Variants in CAPN9 observed in about 807,000 individuals in gnomAD.
The protein encoded by CAPN9 is calpain-9.
Under a neutral mutation model 92.8 loss-of-function variants are expected in CAPN9, and 81 were observed. The ratio of observed to expected loss-of-function variants is 0.87; its 90% CI spans 0.73 to 1.05. CAPN9 has a LOEUF of 1.05. CAPN9 is among the 50% of genes least tolerant of loss of function. The pLI, the probability that CAPN9 is intolerant of heterozygous loss-of-function variation, is 0.00. For missense variants in CAPN9, 848 were observed against 866.2 expected (o/e 0.98, Z 0.26); for synonymous variants, 304 against 328.0 (o/e 0.93, Z 0.79).
chr1:230,759,082 G>A (rs1548280), intron 2 of CAPN9, among the ~76,000 whole-genome samples: 7,287 of 152,222 alleles, frequency 0.048, 566 homozygotes, highest in African/African-American at 0.17. Context: ...AGCTGAGTCT[G>A]GGTTGGGGCT....
At chr1:230,773,518 T>C (rs1666527987) in intron 7 of CAPN9, among the ~76,000 whole-genome samples, 1 of 152,078 alleles carries the variant, frequency 6.6e-6, no homozygotes, top group Non-Finnish European at 1.5e-5. Flanking sequence ...AAGGCTGGAA[T>C]AAAATTTGTC....
Position 230,758,878 on chromosome 1 carries a change from A to G in CAPN9, c.284-634A>G, listed in dbSNP as rs944785801. Reference sequence around the variant, plus strand: ...TCAGTGTGGGCAAAGGAATGCCTCCAGGAGTCTGGAACAGCACAGATAGCA... The same window carrying G: ...TCAGTGTGGGCAAAGGAATGCCTCCGGGAGTCTGGAACAGCACAGATAGCA... On this transcript the variant is annotated intron_variant, in intron 2 of 19. Coordinates refer to ENST00000271971, the MANE Select transcript of CAPN9 (RefSeq NM_006615.3). Among the ~76,000 whole-genome samples, 16 of 152,246 alleles carry G rather than the reference A, an allele frequency of 1.1e-4. 1 individual carries two copies. Among genetic ancestry groups the G allele is most frequent in the African/African-American group, 3.9e-4 (16 of 41,472 alleles).
In CAPN9 at chr1:230,801,807, AG is replaced by A; in HGVS notation, c.*216del. ...ACTCCTTTGTAAAGTCACTGCCTTA[AG>A]GGGGCTGATGGCGCCACCTGTGCCT... On this transcript the variant is annotated 3_prime_UTR_variant, in exon 20 of 20. Transcript: ENST00000271971. 1 of 592,892 alleles carries A rather than the reference AG, an allele frequency of 1.7e-6. No homozygotes were observed. Among genetic ancestry groups the A allele is most frequent in the East Asian group, 2.8e-5 (1 of 36,050 alleles). 36.7% of individuals were successfully genotyped at this position (592,892 alleles called of 1,614,324 possible). A position where few individuals can be genotyped will look rare whatever the true frequency, so the allele number is the denominator to read the frequency against.
chr1:230,774,735 CTTTCTTTTTTTT>C, intron 8 of CAPN9, 104 bp downstream of exon 8: 5 of 588,128 alleles, frequency 8.5e-6, no homozygotes, highest in South Asian at 4.5e-5. Flanking sequence ...TTCTTTCTTT[CTTTCTTTTTTTT>C]TTTTTTTTTT....
At chr1:230,798,678 C>T (rs372756459) in intron 19 of CAPN9, among the ~76,000 whole-genome samples, 4 of 152,104 alleles carry the variant, frequency 2.6e-5, no homozygotes, top group East Asian at 1.9e-4. Context: ...GTAGCAATGA[C>T]GGGGGTGGGA....
At chr1:230,795,131 C>T (rs776275571) in intron 17 of CAPN9, 32 bp from the exon 18 acceptor site, 5 of 1,390,594 alleles carry the variant, frequency 3.6e-6, no homozygotes, top group South Asian at 2.3e-5. Context: ...TCGGATACAG[C>T]GAGTCCTGGG....
intron 13 of CAPN9, 50 bp from the exon 14 acceptor site, chr1:230,790,082 T>G: frequency 6.7e-7 from 1 of 1,486,856 alleles, no homozygotes; most frequent in Non-Finnish European, 9.4e-7. Flanking sequence ...AAATAAACTA[T>G]AAAAGAAGGT....
intron 1 of CAPN9, among the ~76,000 whole-genome samples, chr1:230,753,552 C>G (rs141838695): frequency 6.6e-6 from 1 of 152,262 alleles, no homozygotes; most frequent in Non-Finnish European, 1.5e-5. Flanking sequence ...AGAGGAGAAG[C>G]AGGGTGCTGA....
At chr1:230,764,042 CAAA>C (rs779885526) in intron 4 of CAPN9, among the ~76,000 whole-genome samples, 11 of 151,828 alleles carry the variant, frequency 7.2e-5, no homozygotes, top group Non-Finnish European at 1.3e-4. Context: ...TTAAAAAGGC[CAAA>C]AATGGTTGGC....
intron 9 of CAPN9, among the ~76,000 whole-genome samples, chr1:230,779,726 T>A (rs1667076002): frequency 2.0e-5 from 3 of 152,198 alleles, no homozygotes. Flanking sequence ...CAAAAAGGAC[T>A]GGCACAGACC....
At chr1:230,749,250 T>C (rs1664615275) in intron 1 of CAPN9, among the ~76,000 whole-genome samples, 1 of 152,218 alleles carries the variant, frequency 6.6e-6, no homozygotes, top group Non-Finnish European at 1.5e-5. Context: ...CCAATTGCAG[T>C]GTGAGGTCAC....
At position 230,759,518 on chromosome 1, in the gene CAPN9, G is replaced by C; in HGVS notation, c.290G>C (p.Cys97Ser). 6.2e-7 allele frequency: 1 copy of C among 1,605,514 alleles called. No homozygotes were observed. The highest frequency in any genetic ancestry group is 8.5e-7 in the Non-Finnish European group (1 of 1,176,414). The change falls in exon 3 of 20, where the codon TGC becomes TCC. Residue 97 changes from cysteine to serine, a missense_variant. By Grantham distance (112) the Cys-to-Ser change is moderately radical. Transcript: ENST00000271971. ...TATGGCTTCCATTTTGCAGGAGACT[G>C]CTGGCTATTAGCCGCCATCGCCTCC... ...TDICQGELGDCWLLAAIASLT... is the reference protein window; with the variant it reads ...TDICQGELGDSWLLAAIASLT...
At chr1:230,783,134 T>G (rs1667340987) in intron 11 of CAPN9, among the ~76,000 whole-genome samples, 1 of 152,238 alleles carries the variant, frequency 6.6e-6, no homozygotes, top group Non-Finnish European at 1.5e-5. Context: ...GTATCTCCTT[T>G]GAAGATGCAA....
At chr1:230,799,965 T>G (rs1572104085) in intron 19 of CAPN9, among the ~76,000 whole-genome samples, 1 of 151,060 alleles carries the variant, frequency 6.6e-6, no homozygotes, top group Non-Finnish European at 1.5e-5. Context: ...AATCACGAGG[T>G]CAGGAGATCG....
At chr1:230,757,606 T>G (rs770075140) in intron 2 of CAPN9, among the ~76,000 whole-genome samples, 1 of 151,422 alleles carries the variant, frequency 6.6e-6, no homozygotes, top group Admixed American at 6.6e-5. Flanking sequence ...CATCTGGTCA[T>G]GTAGAGTGCT....
intron 3 of CAPN9, 60 bp downstream of exon 3, chr1:230,759,690 G>T (rs949968820): frequency 9.5e-7 from 1 of 1,055,978 alleles, no homozygotes; most frequent in African/African-American, 1.6e-5. Flanking sequence ...GAGGGCAGGT[G>T]CATTTCCACA....
At chr1:230,774,135 C>T (rs140046263) in intron 7 of CAPN9, among the ~76,000 whole-genome samples, 26 of 152,314 alleles carry the variant, frequency 1.7e-4, no homozygotes, top group African/African-American at 6.3e-4. Flanking sequence ...ATCACCTTTC[C>T]AAGTGTCAGC....
At position 230,795,134 on chromosome 1, in the gene CAPN9, G is replaced by A. The variant is rs761218937; in HGVS notation, c.1871-29G>A. On this transcript the variant is annotated intron_variant, in intron 17 of 19. Transcript: ENST00000271971. Reference sequence around the variant, plus strand: ...TCACCTCGGGGCTCGGATACAGCGAGTCCTGGGTCTCCTCCTTTGTCCCCA... The same window carrying A: ...TCACCTCGGGGCTCGGATACAGCGAATCCTGGGTCTCCTCCTTTGTCCCCA... 4 of 1,434,452 alleles carry A rather than the reference G, an allele frequency of 2.8e-6. No individual in the cohort carries two copies. The East Asian group carries it at 9.1e-5, about 33-fold the overall frequency. The allele number at this position is 1,434,452 out of a possible 1,614,324, so 88.9% of individuals were successfully genotyped here. A position where few individuals can be genotyped will look rare whatever the true frequency, so the allele number is the denominator to read the frequency against.
intron 4 of CAPN9, among the ~76,000 whole-genome samples, chr1:230,763,176 T>C (rs564759534): frequency 6.6e-6 from 1 of 152,306 alleles, no homozygotes; most frequent in East Asian, 1.9e-4. Flanking sequence ...CAATTGTCCG[T>C]CCTACGGGAT....
Sources: allele counts gnomAD v4.1 joint callset (sites outside exome capture counted in the v4.1 genomes callset), GRCh38; gene constraint gnomAD v4.1.1; transcripts MANE v1.5; gene names NCBI Gene and HGNC (gene_info 2026-07-23, HGNC 2026-07-21).